SLC6A2: variants seen among roughly 807,000 people sequenced by gnomAD.
SLC6A2 encodes solute carrier family 6 member 2.
A neutral mutation model predicts 71.7 loss-of-function variants in SLC6A2; 26 were observed. The observed-to-expected ratio is 0.36, with a 90% confidence interval of 0.27 to 0.50. The LOEUF is 0.50. Among genes scored for constraint, SLC6A2 ranks in the 20% least tolerant of loss-of-function variants. The pLI is 0.96. For synonymous variants in SLC6A2, 363 were observed against 337.9 expected, an observed-to-expected ratio of 1.07 and a Z score of -0.82; for missense variants, 581 against 803.9, an observed-to-expected ratio of 0.72 and a Z score of 3.35.
intron 2 of SLC6A2, among the ~76,000 whole-genome samples, chr16:55,663,891 C>A (rs981463275): frequency 6.6e-6 from 1 of 152,110 alleles, no homozygotes; most frequent in Admixed American, 6.5e-5. Flanking sequence ...AGTCATAAAA[C>A]CCCCATTTCA....
intron 4 of SLC6A2, among the ~76,000 whole-genome samples, chr16:55,677,694 CG>C (rs1378130986): frequency 1.6e-5 from 2 of 124,196 alleles, no homozygotes; most frequent in Admixed American, 1.6e-4. Context: ...TTAAAAAAGA[CG>C]GGGTCTTGCT....
In SLC6A2 at chr16:55,702,310, T is replaced by C; in HGVS notation, c.1831-13T>C. ...CCACCATGTCATCAAGTCCTCGCTG[T>C]CTTTCTCTGCAGTTGCAACACTGGC... is the stretch of plus-strand genomic sequence containing the variant. On this transcript the variant is annotated splice_polypyrimidine_tract_variant and intron_variant, in intron 14 of 14. Transcript: ENST00000568943. The C allele has an allele frequency of 6.2e-7, 1 of 1,614,098 alleles. No homozygotes were observed. Among genetic ancestry groups the C allele is most frequent in the Non-Finnish European group, 8.5e-7 (1 of 1,179,940 alleles).
chr16:55,670,782 C>G (rs1224750959), intron 3 of SLC6A2, among the ~76,000 whole-genome samples: 1 of 152,178 alleles, frequency 6.6e-6, no homozygotes, highest in African/African-American at 2.4e-5. Flanking sequence ...GTCATATGCC[C>G]ATCTACTAAC....
At chr16:55,669,543 A>C (rs779301410) in intron 2 of SLC6A2, 22 bp from the exon 3 acceptor site, 1 of 1,613,382 alleles carries the variant, frequency 6.2e-7, no homozygotes, top group East Asian at 2.2e-5. Flanking sequence ...GTCAGGTCAC[A>C]CTCTGCCCCT....
At chr16:55,700,940 A>T (rs1397541970) in intron 13 of SLC6A2, among the ~76,000 whole-genome samples, 4 of 152,136 alleles carry the variant, frequency 2.6e-5, no homozygotes, top group Non-Finnish European at 4.4e-5. Flanking sequence ...TGTCACTCCT[A>T]TTTGATTAAA....
chr16:55,705,359 C>T lies in SLC6A2; in HGVS notation c.*3013C>T. ...TCCTGCTATATGATCTGTTTTCTAGCCTCGCTAATGTGAGACTGAAGCATT... is the reference window on the plus strand; with the variant it reads ...TCCTGCTATATGATCTGTTTTCTAGTCTCGCTAATGTGAGACTGAAGCATT... On this transcript the variant is annotated 3_prime_UTR_variant, in exon 15 of 15. Coordinates refer to ENST00000568943, the MANE Select transcript of SLC6A2 (RefSeq NM_001172501.3). 1 of 880,978 alleles carries T rather than the reference C, an allele frequency of 1.1e-6. No individual in the cohort carries two copies. Among genetic ancestry groups the T allele is most frequent in the Non-Finnish European group, 1.7e-6 (1 of 577,724 alleles). 54.6% of individuals were successfully genotyped at this position (880,978 alleles called of 1,614,324 possible).
chr16:55,671,411 G>A (rs1052289274), intron 3 of SLC6A2, among the ~76,000 whole-genome samples: 9 of 152,178 alleles, frequency 5.9e-5, no homozygotes, highest in African/African-American at 2.2e-4. Flanking sequence ...CGGGCAAAGA[G>A]ATGGCAGGGG....
In SLC6A2 at chr16:55,664,921, C is replaced by T. The variant is rs561280563; in HGVS notation, c.275-4644C>T. ...GAATACCCCACCACCCTCCAATACC[C>T]GGACGGTGGAATTCCCTGCCCAAAC... On this transcript the variant is annotated intron_variant, in intron 2 of 14. Transcript: ENST00000568943. 5.3e-4 allele frequency among the ~76,000 whole-genome samples: 81 copies of T among 152,278 alleles called. No homozygotes were observed. In the Middle Eastern group the frequency reaches 0.014, roughly 26 times the overall value.
chr16:55,669,540 CACACT>C lies in SLC6A2; in HGVS notation c.275-24_275-20del. 1 of 1,613,310 alleles carries C rather than the reference CACACT, an allele frequency of 6.2e-7. No homozygotes were observed. The highest frequency in any genetic ancestry group is 8.5e-7 in the Non-Finnish European group (1 of 1,179,570). On this transcript the variant is annotated intron_variant, in intron 2 of 14. Transcript: ENST00000568943. ...TGGGAGGGGCAGGGGTCTGTCAGGT[CACACT>C]CTGCCCCTGTGTCCTCCAGGTGCCT...
At position 55,674,431 on chromosome 16, in the gene SLC6A2, C is replaced by CT. The variant is rs1213422111; in HGVS notation, c.644+2267dup. ...TGTACCACATTTTCTTTTTCTTTTT[C>CT]TTTTTTTTTTTGAGACCGAGTCTCT... On this transcript the variant is annotated intron_variant, in intron 4 of 14. Transcript: ENST00000568943. 8.5e-3 allele frequency among the ~76,000 whole-genome samples: 1,249 copies of CT among 146,244 alleles called. 21 individuals carry two copies. Among genetic ancestry groups the CT allele is most frequent in the African/African-American group, 0.028 (1,109 of 40,092 alleles).
chr16:55,681,001 C>T (rs1250417672), intron 4 of SLC6A2, among the ~76,000 whole-genome samples: 1 of 152,074 alleles, frequency 6.6e-6, no homozygotes, highest in East Asian at 1.9e-4. Context: ...CCATTGCTCC[C>T]TCCCCTACAC....
chr16:55,661,819 C>T (rs544235726), intron 2 of SLC6A2, among the ~76,000 whole-genome samples: 14 of 152,338 alleles, frequency 9.2e-5, no homozygotes, highest in Admixed American at 7.8e-4. Flanking sequence ...TGGACTCTCT[C>T]CTCTCCCCAA....
intron 7 of SLC6A2, among the ~76,000 whole-genome samples, chr16:55,695,026 T>C (rs2086252494): frequency 6.6e-6 from 1 of 152,172 alleles, no homozygotes; most frequent in Non-Finnish European, 1.5e-5. Context: ...GGAAGGTTTG[T>C]TGAAGGAAGC....
At chr16:55,687,701 G>T (rs1158234858) in intron 5 of SLC6A2, among the ~76,000 whole-genome samples, 2 of 152,192 alleles carry the variant, frequency 1.3e-5, no homozygotes, top group Non-Finnish European at 2.9e-5. Context: ...TCTGGCCTTG[G>T]CATAGGACCA....
intron 3 of SLC6A2, among the ~76,000 whole-genome samples, chr16:55,671,308 G>A (rs1964903422): frequency 6.6e-6 from 1 of 152,116 alleles, no homozygotes; most frequent in Non-Finnish European, 1.5e-5. Flanking sequence ...CGAGGGAGCT[G>A]GATACTCACG....
intron 4 of SLC6A2, among the ~76,000 whole-genome samples, chr16:55,676,766 A>C (rs1216952932): frequency 1.3e-5 from 2 of 152,218 alleles, no homozygotes; most frequent in African/African-American, 2.4e-5. Context: ...GTGGTATAAG[A>C]TTATTTTTAT....
rs763339998 is a variant in SLC6A2 at position 55,695,245 on chromosome 16, A to G, written c.1023-33A>G. 5 of 1,613,638 alleles carry G rather than the reference A, an allele frequency of 3.1e-6. No homozygotes were observed. The South Asian group carries it at 5.5e-5, about 18-fold the overall frequency. The stretch of plus-strand genomic sequence containing the variant: ...TCAAAACACAGGGTTGAGGGTGTCA[A>G]GGGACTTGACCTCACTGTGCTTCTT... On this transcript the variant is annotated intron_variant, in intron 7 of 14. Transcript: ENST00000568943.
chr16:55,702,656 A>C lies in SLC6A2; in HGVS notation c.*310A>C. 1 of 1,315,848 alleles carries C rather than the reference A, an allele frequency of 7.6e-7. No homozygotes were observed. The highest frequency in any genetic ancestry group is 9.7e-7 in the Non-Finnish European group (1 of 1,027,782). 81.5% of individuals were successfully genotyped at this position (1,315,848 alleles called of 1,614,324 possible). ...CTGAAGCTAGGTTCATGAGGTCGGA[A>C]ATCCCCACCACATTTGCCTAGACTT... On this transcript the variant is annotated 3_prime_UTR_variant, in exon 15 of 15. Coordinates refer to ENST00000568943, the MANE Select transcript of SLC6A2 (RefSeq NM_001172501.3).
At position 55,703,431 on chromosome 16, in the gene SLC6A2, C is replaced by G; in HGVS notation, c.*1085C>G. 3.0e-6 allele frequency: 3 copies of G among 985,426 alleles called. No homozygotes were observed. The highest frequency in any genetic ancestry group is 3.6e-6 in the Non-Finnish European group (3 of 829,954). 61.0% of individuals were successfully genotyped at this position (985,426 alleles called of 1,614,324 possible). ...AGTTGGCTGCAAAAACTCTCATGCACTAGATGTGGCACCTTGGAGGGCAGG... is the reference window on the plus strand; with the variant it reads ...AGTTGGCTGCAAAAACTCTCATGCAGTAGATGTGGCACCTTGGAGGGCAGG... On this transcript the variant is annotated 3_prime_UTR_variant, in exon 15 of 15. Transcript: ENST00000568943.
Sources: allele counts gnomAD v4.1 joint callset (sites outside exome capture counted in the v4.1 genomes callset), GRCh38; gene constraint gnomAD v4.1.1; transcripts MANE v1.5; gene names NCBI Gene and HGNC (gene_info 2026-07-23, HGNC 2026-07-21).